The following SAXO1 variants were observed in gnomAD, a reference collection of about 807,000 sequenced individuals.
SAXO1 encodes 4930500O09Rik.
SAXO1 carries 21 observed loss-of-function variants against 17.5 expected under a neutral mutation model. The ratio of observed to expected loss-of-function variants is 1.20; its 90% confidence interval spans 0.85 to 1.72. The LOEUF (loss-of-function observed/expected upper bound fraction) is 1.72. Ranked by LOEUF, SAXO1 falls within the 40% of genes most tolerant of loss-of-function variation. The probability of loss-of-function intolerance (pLI) is 0.00; values close to 1 mark genes in which losing one functional copy is unlikely to be tolerated. For missense variants in SAXO1, 843 were observed against 596.0 expected (o/e 1.41, Z -4.32); for synonymous variants, 274 against 216.5 (o/e 1.27, Z -2.33).
intron 1 of SAXO1, among the ~76,000 whole-genome samples, chr9:18,997,922 A>C (rs1431016241): frequency 3.3e-5 from 5 of 152,202 alleles, no homozygotes; most frequent in African/African-American, 1.2e-4. Flanking sequence ...TAGCATCAAC[A>C]TCAACAAAAA....
At chr9:19,019,896 G>A (rs1236204731) in intron 1 of SAXO1, among the ~76,000 whole-genome samples, 4 of 151,934 alleles carry the variant, frequency 2.6e-5, no homozygotes, top group African/African-American at 9.7e-5. Context: ...GCCCTCTTCT[G>A]TAAACTACAG....
intron 1 of SAXO1, among the ~76,000 whole-genome samples, chr9:18,981,232 G>A (rs529890402): frequency 6.0e-4 from 92 of 152,270 alleles, no homozygotes; most frequent in South Asian, 2.7e-3. Flanking sequence ...GGAAAGAAAG[G>A]AAGAGAAAGC....
In SAXO1 at chr9:19,043,946, A is replaced by T. The variant is rs753187132; in HGVS notation, c.-158+5263T>A. On this transcript the variant is annotated intron_variant, in intron 1 of 3. Transcript: ENST00000542071. Reference sequence around the variant, plus strand: ...GATCACCTGAGATCGGGAGTTCGAGACCAGTCTGGCCAACATGGTGAAACC... The same window carrying T: ...GATCACCTGAGATCGGGAGTTCGAGTCCAGTCTGGCCAACATGGTGAAACC... 5.5e-4 allele frequency among the ~76,000 whole-genome samples: 83 copies of T among 151,990 alleles called. 1 individual carries two copies. Among genetic ancestry groups the T allele is most frequent in the Non-Finnish European group, 1.1e-3 (74 of 67,996 alleles).
intron 3 of SAXO1, among the ~76,000 whole-genome samples, chr9:18,934,735 C>G (rs1036553438): frequency 1.3e-5 from 2 of 152,118 alleles, no homozygotes; most frequent in African/African-American, 4.8e-5. Context: ...TCACATCTTA[C>G]AATTTTTTTG....
At position 18,966,120 on chromosome 9, in the gene SAXO1, C is replaced by G. The variant is rs568132090; in HGVS notation, c.39-15183G>C. Among the ~76,000 whole-genome samples the G allele has an allele frequency of 2.6e-5, 4 of 152,364 alleles. No individual in the cohort carries two copies. The South Asian group carries it at 8.3e-4, about 32-fold the overall frequency. ...GTTTCTGCAGAGATCTGCTGTTAGTCTGATGGGCTTCCCTTTGTGGGCAAC... is the reference window on the plus strand; with the variant it reads ...GTTTCTGCAGAGATCTGCTGTTAGTGTGATGGGCTTCCCTTTGTGGGCAAC... On this transcript the variant is annotated intron_variant, in intron 1 of 3. Transcript: ENST00000380534.
chr9:18,962,424 T>C (rs948411080), intron 1 of SAXO1, among the ~76,000 whole-genome samples: 5 of 152,332 alleles, frequency 3.3e-5, no homozygotes, highest in Admixed American at 1.3e-4. Flanking sequence ...TTCATATGTT[T>C]GTTTGGCCGC....
In SAXO1 at chr9:18,979,713, C is replaced by T. The variant is rs1422534771; in HGVS notation, c.39-28776G>A. ...GAATTGGAGGCAGCATAGTGGCCCA[C>T]GCCTATAATCCCATCTACTAGGGAG... On this transcript the variant is annotated intron_variant, in intron 1 of 3. Transcript: ENST00000380534. Among the ~76,000 whole-genome samples, 7 of 152,184 alleles carry T rather than the reference C, an allele frequency of 4.6e-5. No homozygotes were observed. In the East Asian group the frequency reaches 5.8e-4, roughly 13 times the overall value.
intron 1 of SAXO1, among the ~76,000 whole-genome samples, chr9:19,045,316 C>CAAAAAAAAAAAAA (rs575855900): frequency 1.1e-5 from 1 of 89,308 alleles, no homozygotes; most frequent in African/African-American, 3.8e-5. Context: ...GACTCCGTCT[C>CAAAAAAAAAAAAA]AAAAAAAAAA....
intron 1 of SAXO1, among the ~76,000 whole-genome samples, chr9:19,012,390 G>C (rs1563980752): frequency 6.6e-6 from 1 of 152,214 alleles, no homozygotes; most frequent in Non-Finnish European, 1.5e-5. Context: ...CAAATCCTTA[G>C]GTCTGAATTA....
At chr9:19,019,223 C>G (rs1835122418) in intron 1 of SAXO1, among the ~76,000 whole-genome samples, 1 of 152,202 alleles carries the variant, frequency 6.6e-6, no homozygotes, top group African/African-American at 2.4e-5. Flanking sequence ...AGAAGCCTTT[C>G]AAGTCCGATG....
intron 1 of SAXO1, among the ~76,000 whole-genome samples, chr9:19,009,441 G>A (rs565603072): frequency 1.3e-5 from 2 of 152,290 alleles, no homozygotes; most frequent in South Asian, 4.1e-4. Flanking sequence ...ATATAGCCAT[G>A]ATGATATAAA....
At chr9:19,029,879 C>G (rs1342911177) in intron 1 of SAXO1, among the ~76,000 whole-genome samples, 4 of 152,166 alleles carry the variant, frequency 2.6e-5, no homozygotes, top group Non-Finnish European at 5.9e-5. Flanking sequence ...ATGTTATGAC[C>G]TTGACAAACA....
At chr9:19,005,595 G>A (rs1307376529) in intron 1 of SAXO1, among the ~76,000 whole-genome samples, 1 of 152,126 alleles carries the variant, frequency 6.6e-6, no homozygotes, top group African/African-American at 2.4e-5. Flanking sequence ...AATGAAGTGG[G>A]ACCCTTACCT....
chr9:18,955,814 C>G (rs1334429859), intron 1 of SAXO1, among the ~76,000 whole-genome samples: 2 of 152,180 alleles, frequency 1.3e-5, no homozygotes, highest in East Asian at 1.9e-4. Flanking sequence ...CCTGCCTCCC[C>G]ACAAAGCTGC....
At chr9:19,034,960 T>C (rs1434109253), upstream of SAXO1, among the ~76,000 whole-genome samples, 1 of 152,188 alleles carries the variant, frequency 6.6e-6, no homozygotes, top group African/African-American at 2.4e-5. Context: ...ACAATCATGG[T>C]ACTCCCCACT....
chr9:18,963,908 G>A (rs1181258174), intron 1 of SAXO1, among the ~76,000 whole-genome samples: 1 of 152,184 alleles, frequency 6.6e-6, no homozygotes, highest in Non-Finnish European at 1.5e-5. Context: ...TGCCCATTCA[G>A]TATGATACTG....
intron 1 of SAXO1, among the ~76,000 whole-genome samples, chr9:18,965,883 G>A (rs182179871): frequency 2.0e-4 from 31 of 152,266 alleles, no homozygotes; most frequent in African/African-American, 4.8e-4. Context: ...GGCTGGTACC[G>A]TCTTTTCCTT....
intron 1 of SAXO1, among the ~76,000 whole-genome samples, chr9:19,018,474 C>G (rs1176648368): frequency 6.6e-6 from 1 of 152,172 alleles, no homozygotes; most frequent in Non-Finnish European, 1.5e-5. Flanking sequence ...AGAAGAGAAA[C>G]ATGGGTCATT....
In SAXO1 at chr9:18,995,901, G is replaced by A. The variant is rs576227441; in HGVS notation, c.38+36970C>T. Among the ~76,000 whole-genome samples, 459 of 152,110 alleles carry A rather than the reference G, an allele frequency of 3.0e-3. 8 individuals are homozygous for A. The South Asian group carries it at 0.044, about 15-fold the overall frequency. ...TTGAGACCAGCCTGGCCAACGTGGT[G>A]AAACCCCATCTTACCAAAAATACAA... On this transcript the variant is annotated intron_variant, in intron 1 of 3. Transcript: ENST00000380534.
Sources: gnomAD v4.1 joint callset for allele counts (sites outside exome capture counted in the v4.1 genomes callset) on GRCh38, gnomAD v4.1.1 for gene constraint, MANE v1.5 for transcripts, NCBI Gene and HGNC (gene_info 2026-07-23, HGNC 2026-07-21) for gene names.